The following SI variants were observed in gnomAD, a reference collection of about 807,000 sequenced individuals.
The protein encoded by SI is sucrase-isomaltase, intestinal.
A neutral mutation model predicts 253.3 loss-of-function variants in SI; 235 were observed. The observed-to-expected ratio is 0.93, with a 90% CI of 0.83 to 1.03. The LOEUF (loss-of-function observed/expected upper bound fraction) is 1.03, where lower values mean the gene tolerates loss of function less well. Among genes scored for constraint, SI ranks in the 50% least tolerant of loss-of-function variants. The pLI, the probability that SI is intolerant of heterozygous loss-of-function variation, is 0.00. For missense variants in SI, 2,442 were observed against 2,211.1 expected (o/e 1.10, Z -2.09); for synonymous variants, 819 against 712.0 (o/e 1.15, Z -2.39).
chr3:165,045,202 A>G (rs1422140603), intron 16 of SI, among the ~76,000 whole-genome samples: 1 of 151,960 alleles, frequency 6.6e-6, no homozygotes, highest in Non-Finnish European at 1.5e-5. Context: ...GTCACCTTTT[A>G]TGTTTCCCAA....
chr3:165,052,356 A>C (rs1713475445), intron 13 of SI, among the ~76,000 whole-genome samples: 1 of 152,210 alleles, frequency 6.6e-6, no homozygotes, highest in Non-Finnish European at 1.5e-5. Context: ...AGTAATAAAA[A>C]CATCTAAAGA....
chr3:165,083,576 A>G, the SI span, among the ~76,000 whole-genome samples: 1 of 152,014 alleles, frequency 6.6e-6, no homozygotes, highest in Non-Finnish European at 1.5e-5. Flanking sequence ...TTACCCAGTG[A>G]ACATTTGAAT....
chr3:165,019,394 T>C (rs1452526979), intron 28 of SI, among the ~76,000 whole-genome samples: 1 of 151,910 alleles, frequency 6.6e-6, no homozygotes, highest in Non-Finnish European at 1.5e-5. Flanking sequence ...TCAAGCAAAT[T>C]GTTATCCATC....
At chr3:165,060,893 A>G (rs1400762023) in intron 9 of SI, among the ~76,000 whole-genome samples, 7 of 147,832 alleles carry the variant, frequency 4.7e-5, no homozygotes, top group Non-Finnish European at 1.0e-4. Context: ...AGGATCCATG[A>G]TTTCTCCATG....
At chr3:165,086,254 C>CA in the SI span, among the ~76,000 whole-genome samples, 6 of 150,016 alleles carry the variant, frequency 4.0e-5, no homozygotes, top group African/African-American at 7.3e-5. Flanking sequence ...GACTCCGTCT[C>CA]AAAAAAAAAG....
chr3:165,005,930 C>A (rs1718485974), intron 37 of SI, among the ~76,000 whole-genome samples: 1 of 151,872 alleles, frequency 6.6e-6, no homozygotes, highest in African/African-American at 2.4e-5. Flanking sequence ...TCAATCACTG[C>A]AAAACTTGTA....
chr3:165,036,371 T>C lies in SI; in HGVS notation c.2515+18A>G, dbSNP rs955280149. 4.5e-6 allele frequency: 7 copies of C among 1,551,404 alleles called. No homozygotes were observed. Among genetic ancestry groups the C allele is most frequent in the Non-Finnish European group, 6.2e-6 (7 of 1,123,700 alleles). Reference sequence around the variant, plus strand: ...ATTATCAGAGTGAACATTTAAAGCGTATTACTTTCAGACTTACCTTTAGTT... The same window carrying C: ...ATTATCAGAGTGAACATTTAAAGCGCATTACTTTCAGACTTACCTTTAGTT... On this transcript the variant is annotated intron_variant, in intron 22 of 47. Transcript: ENST00000264382.
At chr3:165,044,724 C>A (rs574658087) in intron 16 of SI, among the ~76,000 whole-genome samples, 4 of 151,790 alleles carry the variant, frequency 2.6e-5, no homozygotes, top group African/African-American at 4.8e-5. Context: ...TTCAAATGTT[C>A]TTTTGATGAA....
chr3:165,015,442 GCTAT>G (rs1449047649), intron 32 of SI, among the ~76,000 whole-genome samples: 1 of 152,016 alleles, frequency 6.6e-6, no homozygotes, highest in Non-Finnish European at 1.5e-5. Context: ...AAATGCATCA[GCTAT>G]CATTTCAAGA....
chr3:165,014,872 T>C (rs932363669), intron 33 of SI, among the ~76,000 whole-genome samples: 1 of 152,102 alleles, frequency 6.6e-6, no homozygotes, highest in Non-Finnish European at 1.5e-5. Context: ...AAATTACAAG[T>C]GGTACCAATA....
chr3:165,068,653 G>C (rs1394195312), intron 5 of SI, 69 bp downstream of exon 5: 2 of 1,124,548 alleles, frequency 1.8e-6, no homozygotes, highest in Non-Finnish European at 2.7e-6. Flanking sequence ...TATTACAGGC[G>C]TGAGCCACCG....
At chr3:165,089,559 G>A in the SI span, among the ~76,000 whole-genome samples, 4 of 152,134 alleles carry the variant, frequency 2.6e-5, no homozygotes, top group Non-Finnish European at 4.4e-5. Context: ...CCTGGGCCCT[G>A]GGAGATGAGG....
intron 17 of SI, among the ~76,000 whole-genome samples, chr3:165,042,352 T>A (rs565509365): frequency 9.2e-5 from 14 of 152,122 alleles, no homozygotes; most frequent in Non-Finnish European, 1.9e-4. Context: ...AAGCCCTGTA[T>A]GCAACCAGTG....
intron 7 of SI, among the ~76,000 whole-genome samples, chr3:165,064,950 A>G (rs1714163624): frequency 1.3e-5 from 2 of 152,198 alleles, no homozygotes; most frequent in Non-Finnish European, 1.5e-5. Flanking sequence ...TTCTAGTGCA[A>G]TAGCTAGCTA....
chr3:165,017,986 G>C lies in SI; in HGVS notation c.3504C>G (p.Leu1168=), dbSNP rs765990717. The change falls in exon 29 of 48, where the codon CTC becomes CTG. Residue 1168 remains leucine, a synonymous_variant. Transcript: ENST00000264382. ...EEGNAHGVFL[L]NSNAMDVTFQ... is the part of the protein sequence containing the mutation. ...TTGTTTTACCCATTGCATTGCTGTT[G>C]AGTAAGAAAACACCATGAGCATTGC... 1.3e-5 allele frequency: 21 copies of C among 1,609,428 alleles called. No individual in the cohort carries two copies. In the Admixed American group the frequency reaches 3.5e-4, roughly 27 times the overall value.
rs201140811 is a variant in SI, at chr3:165,065,272, G to T, written c.796C>A (p.Leu266Ile). ...KTWPIFTRDQ[L>I]PGDNNNNLYG... ...AAATAATTTCTTACATCACCAGGAA[G>T]TTGGTCTCGAGTAAAAATTGGCCAT... The change falls in exon 7 of 48, where the codon CTT becomes ATT. Residue 266 changes from leucine (L) to isoleucine (I), a missense_variant. By Grantham distance (5) the Leu-to-Ile change is conservative (BLOSUM62 2). Coordinates refer to ENST00000264382, the MANE Select transcript of SI (RefSeq NM_001041.4). The T allele has an allele frequency of 1.3e-5, 21 of 1,599,652 alleles. No individual in the cohort carries two copies. Among genetic ancestry groups the T allele is most frequent in the Non-Finnish European group, 1.8e-5 (21 of 1,169,068 alleles).
chr3:165,021,353 C>T lies in SI; in HGVS notation c.3130G>A (p.Val1044Ile), dbSNP rs1559993066. 6.2e-7 allele frequency: 1 copy of T among 1,610,398 alleles called. No homozygotes were observed. The highest frequency in any genetic ancestry group is 8.5e-7 in the Non-Finnish European group (1 of 1,177,378). The part of the protein sequence containing the change: ...IYDPQKKRYE[V>I]PVPLNIPTTP... ...GTTGGAATGTTTAACGGTACTGGTA[C>T]TTCATATCTCTTCTTTTGGGGATCA... Residue 1044 changes from valine to isoleucine, a missense_variant, in exon 27 of 48, where the codon GTA (valine) becomes ATA (isoleucine). By Grantham distance (29) the Val-to-Ile change is conservative (BLOSUM62 3). Coordinates refer to ENST00000264382, the MANE Select transcript of SI (RefSeq NM_001041.4).
intron 43 of SI, 35 bp from the exon 44 acceptor site, chr3:164,991,512 C>A: frequency 6.2e-7 from 1 of 1,611,652 alleles, no homozygotes; most frequent in South Asian, 1.1e-5. Flanking sequence ...ACAGGTGGAG[C>A]AAGAAATGGA....
At chr3:165,047,535 A>G (rs948899022) in intron 15 of SI, among the ~76,000 whole-genome samples, 10 of 152,072 alleles carry the variant, frequency 6.6e-5, no homozygotes, top group African/African-American at 2.4e-4. Flanking sequence ...TTTTGTTATT[A>G]ATATTTACTT....
Sources: allele counts gnomAD v4.1 joint callset (sites outside exome capture counted in the v4.1 genomes callset), GRCh38; gene constraint gnomAD v4.1.1; transcripts MANE v1.5; gene names NCBI Gene and HGNC (gene_info 2026-07-23, HGNC 2026-07-21).